Variants in SYNDIG1 observed in about 807,000 individuals in gnomAD.
SYNDIG1 encodes synapse differentiation inducing 1, also known as synapse differentiation-inducing gene protein 1.
SYNDIG1 carries 9 observed loss-of-function variants against 19.4 expected under a neutral mutation model. The observed-to-expected ratio is 0.46, with a 90% CI of 0.28 to 0.81. The LOEUF (loss-of-function observed/expected upper bound fraction) is 0.81, where lower values mean the gene tolerates loss of function less well. Among genes scored for constraint, SYNDIG1 ranks in the 30% least tolerant of loss-of-function variants. SYNDIG1 has a pLI of 0.12. For synonymous variants in SYNDIG1, 141 were observed against 145.9 expected, an observed-to-expected ratio of 0.97 and a Z score of 0.24; for missense variants, 311 against 343.3, an observed-to-expected ratio of 0.91 and a Z score of 0.74.
chr20:24,584,527 C>A (rs1293305963), intron 2 of SYNDIG1, among the ~76,000 whole-genome samples: 1 of 152,196 alleles, frequency 6.6e-6, no homozygotes, highest in Non-Finnish European at 1.5e-5. Flanking sequence ...CAGTCCCATC[C>A]TTTGTCCCCA....
chr20:24,558,613 ACTT>A (rs1207524125), intron 2 of SYNDIG1, among the ~76,000 whole-genome samples: 18 of 152,060 alleles, frequency 1.2e-4, no homozygotes, highest in African/African-American at 4.1e-4. Context: ...TTGTTTCTCT[ACTT>A]CTTCTTACTT....
intron 2 of SYNDIG1, among the ~76,000 whole-genome samples, chr20:24,570,994 G>C (rs2058131591): frequency 6.6e-6 from 1 of 152,162 alleles, no homozygotes; most frequent in Admixed American, 6.5e-5. Context: ...GATCTCGAGG[G>C]TATTGTGCCA....
At chr20:24,485,937 T>A (rs1454651429) in intron 1 of SYNDIG1, among the ~76,000 whole-genome samples, 2 of 152,234 alleles carry the variant, frequency 1.3e-5, no homozygotes, top group African/African-American at 4.8e-5. Flanking sequence ...AGGAGATGTC[T>A]TTGGCCCAAG....
At chr20:24,475,055 A>G (rs2055577854) in intron 1 of SYNDIG1, among the ~76,000 whole-genome samples, 1 of 152,210 alleles carries the variant, frequency 6.6e-6, no homozygotes, top group Non-Finnish European at 1.5e-5. Context: ...AAATAAATGA[A>G]ATGTTACAGA....
At chr20:24,601,481 C>T (rs1004722926) in intron 3 of SYNDIG1, among the ~76,000 whole-genome samples, 4 of 152,148 alleles carry the variant, frequency 2.6e-5, no homozygotes, top group Middle Eastern at 3.4e-3. Flanking sequence ...TCTTTAATAT[C>T]GATATCTCTG....
chr20:24,549,236 ACT>A (rs1318823193), intron 2 of SYNDIG1, among the ~76,000 whole-genome samples: 6 of 151,870 alleles, frequency 4.0e-5, no homozygotes, highest in Non-Finnish European at 8.8e-5. Flanking sequence ...TACTCTGCCC[ACT>A]CTCTACTATT....
chr20:24,591,666 T>C (rs909178071), intron 3 of SYNDIG1, among the ~76,000 whole-genome samples: 6 of 151,976 alleles, frequency 3.9e-5, no homozygotes, highest in Admixed American at 3.9e-4. Context: ...AGGGGAGCAA[T>C]AAAAAGCCCC....
At chr20:24,592,684 G>T (rs2058531834) in intron 3 of SYNDIG1, among the ~76,000 whole-genome samples, 1 of 152,174 alleles carries the variant, frequency 6.6e-6, no homozygotes, top group South Asian at 2.1e-4. Context: ...CACGATCATG[G>T]CTCACTGCAT....
intron 1 of SYNDIG1, among the ~76,000 whole-genome samples, chr20:24,513,450 A>T (rs2056793235): frequency 1.3e-5 from 2 of 152,176 alleles, no homozygotes. Flanking sequence ...GGAGCTGAAA[A>T]CCATGGCACG....
chr20:24,538,459 A>AAAATGGAGCT (rs374530637), intron 1 of SYNDIG1, among the ~76,000 whole-genome samples: 1 of 151,904 alleles, frequency 6.6e-6, no homozygotes, highest in East Asian at 1.9e-4. Flanking sequence ...AGACTGAGCA[A>AAAATGGAGCT]TACTCCATTG....
chr20:24,561,260 A>T (rs947842631), intron 2 of SYNDIG1, among the ~76,000 whole-genome samples: 1 of 152,114 alleles, frequency 6.6e-6, no homozygotes, highest in African/African-American at 2.4e-5. Flanking sequence ...TTACATTGCC[A>T]CCAGGTCCAC....
intron 1 of SYNDIG1, among the ~76,000 whole-genome samples, chr20:24,484,175 A>G (rs962664054): frequency 4.6e-5 from 7 of 152,020 alleles, no homozygotes; most frequent in African/African-American, 1.7e-4. Context: ...AATGTATAGC[A>G]TGAAAGCTGC....
rs527245809 is a variant in SYNDIG1 at position 24,599,810 on chromosome 20, T to G, written c.618+14817T>G. 3.3e-5 allele frequency among the ~76,000 whole-genome samples: 5 copies of G among 152,300 alleles called. No individual in the cohort carries two copies. The South Asian group carries it at 1.0e-3, about 32-fold the overall frequency. On this transcript the variant is annotated intron_variant, in intron 3 of 3. Coordinates refer to ENST00000376862, the MANE Select transcript of SYNDIG1 (RefSeq NM_024893.3). ...CACATGGAGATAGAGAGTGGAAAGA[T>G]AGATAACAGAGACTGGGAAGAGTGA...
chr20:24,545,448 C>T (rs1427116502), intron 2 of SYNDIG1, among the ~76,000 whole-genome samples: 8 of 151,956 alleles, frequency 5.3e-5, no homozygotes, highest in South Asian at 2.1e-4. Flanking sequence ...CTGCCCGACT[C>T]GCATGGAGTG....
chr20:24,484,283 G>A (rs552763943), intron 1 of SYNDIG1, among the ~76,000 whole-genome samples: 143 of 152,252 alleles, frequency 9.4e-4, no homozygotes, highest in South Asian at 5.8e-3. Flanking sequence ...AAGAGTGGGG[G>A]GCCTGGGGCT....
At chr20:24,581,821 C>A (rs570966412) in intron 2 of SYNDIG1, among the ~76,000 whole-genome samples, 4 of 151,624 alleles carry the variant, frequency 2.6e-5, no homozygotes, top group African/African-American at 9.7e-5. Context: ...ACTTCCTCCC[C>A]ACTGCACGTC....
At chr20:24,553,362 G>A (rs9753747) in intron 2 of SYNDIG1, among the ~76,000 whole-genome samples, 28,728 of 152,082 alleles carry the variant, frequency 0.19, 3,138 homozygotes, top group Admixed American at 0.32. Flanking sequence ...TGCTTTTGGT[G>A]TTTTAGACAT....
At chr20:24,496,074 T>G (rs1056740660) in intron 1 of SYNDIG1, among the ~76,000 whole-genome samples, 2 of 152,158 alleles carry the variant, frequency 1.3e-5, no homozygotes, top group African/African-American at 4.8e-5. Context: ...CTCGATCTCC[T>G]GACCTCGTGA....
intron 3 of SYNDIG1, among the ~76,000 whole-genome samples, chr20:24,645,029 C>T (rs1056558565): frequency 2.0e-5 from 3 of 152,164 alleles, no homozygotes; most frequent in African/African-American, 4.8e-5. Flanking sequence ...GGTTTGAAAC[C>T]GGTCAGTCTG....
Sources: allele counts gnomAD v4.1 joint callset (sites outside exome capture counted in the v4.1 genomes callset), GRCh38; gene constraint gnomAD v4.1.1; transcripts MANE v1.5; gene names NCBI Gene and HGNC (gene_info 2026-07-23, HGNC 2026-07-21).